Variants in GPM6A observed in about 807,000 individuals in gnomAD.
GPM6A encodes the protein glycoprotein M6A.
A neutral mutation model predicts 32.1 loss-of-function variants in GPM6A; 7 were observed. That is an observed-to-expected ratio of 0.22 (90% CI 0.12 to 0.41). The LOEUF is 0.41. Among genes scored for constraint, GPM6A ranks in the 10% least tolerant of loss-of-function variants. The pLI is 1.00. For missense variants in GPM6A, 235 were observed against 347.2 expected, an observed-to-expected ratio of 0.68 and a Z score of 2.57; for synonymous variants, 130 against 123.4, an observed-to-expected ratio of 1.05 and a Z score of -0.35.
chr4:175,867,421 C>T (rs140476300), intron 1 of GPM6A, among the ~76,000 whole-genome samples: 36 of 151,936 alleles, frequency 2.4e-4, no homozygotes, highest in Middle Eastern at 3.4e-3. Context: ...AGTTTGAGTT[C>T]GTTTTTGTGA....
intron 1 of GPM6A, among the ~76,000 whole-genome samples, chr4:175,806,230 T>C (rs555067973): frequency 6.6e-6 from 1 of 152,348 alleles, no homozygotes; most frequent in African/African-American, 2.4e-5. Context: ...TCATGAGCCA[T>C]TGTCTTCTGA....
intron 1 of GPM6A, among the ~76,000 whole-genome samples, chr4:175,951,505 T>G (rs1479557058): frequency 6.6e-6 from 1 of 152,160 alleles, no homozygotes; most frequent in East Asian, 1.9e-4. Flanking sequence ...GACGGCGAAA[T>G]AATCTCTTGA....
upstream of GPM6A, chr4:175,812,801 C>G: frequency 1.0e-6 from 1 of 985,388 alleles, no homozygotes; most frequent in Non-Finnish European, 1.2e-6. Context: ...AGTGGCTTCT[C>G]ACCCAGTCAG....
At chr4:175,711,457 T>TAC (rs763949633) in intron 1 of GPM6A, among the ~76,000 whole-genome samples, 609 of 27,868 alleles carry the variant, frequency 0.022, 6 homozygotes, top group South Asian at 0.1. Context: ...TATATATATA[T>TAC]ACACACACAT....
chr4:175,680,821 A>T (rs1369777258), intron 2 of GPM6A, among the ~76,000 whole-genome samples: 1 of 152,126 alleles, frequency 6.6e-6, no homozygotes, highest in Non-Finnish European at 1.5e-5. Flanking sequence ...TTCTTTTTAC[A>T]TGAAATGTGC....
At chr4:175,692,442 T>C (rs1379410536) in intron 2 of GPM6A, among the ~76,000 whole-genome samples, 7 of 152,170 alleles carry the variant, frequency 4.6e-5, no homozygotes, top group African/African-American at 1.7e-4. Flanking sequence ...ATTACTTTTC[T>C]GAGTTTACTA....
chr4:175,842,467 T>A (rs1681454698), intron 1 of GPM6A, among the ~76,000 whole-genome samples: 1 of 152,146 alleles, frequency 6.6e-6, no homozygotes, highest in Non-Finnish European at 1.5e-5. Flanking sequence ...CCATGTTGGT[T>A]CACACTTGTG....
chr4:175,784,167 C>A (rs1304243129), intron 1 of GPM6A, among the ~76,000 whole-genome samples: 1 of 151,988 alleles, frequency 6.6e-6, no homozygotes, highest in Non-Finnish European at 1.5e-5. Context: ...TCACTTTTGT[C>A]CTAGTCTTCC....
At position 175,949,852 on chromosome 4, in the gene GPM6A, C is replaced by T. The variant is rs772924352; in HGVS notation, c.-23+52457G>A. 3.9e-5 allele frequency among the ~76,000 whole-genome samples: 6 copies of T among 152,112 alleles called. No individual in the cohort carries two copies. In the South Asian group the frequency reaches 8.3e-4, roughly 21 times the overall value. On this transcript the variant is annotated intron_variant, in intron 1 of 7. Coordinates refer to the GPM6A transcript ENST00000280187. ...TTGTTTAAAAATTGTCTGATATCTGCGCTAAGTTGTTTGGATGACAATTCA... is the reference window on the plus strand; with the variant it reads ...TTGTTTAAAAATTGTCTGATATCTGTGCTAAGTTGTTTGGATGACAATTCA...
chr4:175,801,985 T>C (rs975700351), intron 1 of GPM6A, among the ~76,000 whole-genome samples: 1 of 152,074 alleles, frequency 6.6e-6, no homozygotes, highest in African/African-American at 2.4e-5. Flanking sequence ...TTGGTAAGCA[T>C]ACTACACTCC....
upstream of GPM6A, among the ~76,000 whole-genome samples, chr4:175,817,247 C>T (rs1192172685): frequency 1.3e-5 from 2 of 152,236 alleles, no homozygotes; most frequent in Non-Finnish European, 2.9e-5. Flanking sequence ...TTCAGAGTTA[C>T]ATAATCATAG....
chr4:175,929,351 G>C (rs904448703), intron 1 of GPM6A, among the ~76,000 whole-genome samples: 1 of 152,114 alleles, frequency 6.6e-6, no homozygotes, highest in Non-Finnish European at 1.5e-5. Flanking sequence ...CATGCTCAAC[G>C]CCAGGAGTAC....
At chr4:175,938,439 G>A (rs935399979) in intron 1 of GPM6A, among the ~76,000 whole-genome samples, 3 of 152,072 alleles carry the variant, frequency 2.0e-5, no homozygotes, top group Non-Finnish European at 4.4e-5. Context: ...TTTAATGATC[G>A]CCATTCTAAC....
At chr4:175,894,925 T>C (rs1409030407) in intron 1 of GPM6A, among the ~76,000 whole-genome samples, 1 of 152,164 alleles carries the variant, frequency 6.6e-6, no homozygotes, top group Non-Finnish European at 1.5e-5. Context: ...TCTCTGTTTC[T>C]AAAAGTCAAA....
At chr4:175,970,432 A>G (rs569821425) in intron 1 of GPM6A, among the ~76,000 whole-genome samples, 4 of 152,368 alleles carry the variant, frequency 2.6e-5, no homozygotes, top group Middle Eastern at 6.8e-3. Context: ...CTGGTAAACA[A>G]TAACAATAGA....
At position 175,908,206 on chromosome 4, in the gene GPM6A, T is replaced by A. The variant is rs191202589; in HGVS notation, c.-23+94103A>T. On this transcript the variant is annotated intron_variant, in intron 1 of 7. Transcript: ENST00000280187. Reference sequence around the variant, plus strand: ...CTAGTGATAATTTTTTAAAATGCAATCTATTTTAAACAATCTAGAGATTCT... The same window carrying A: ...CTAGTGATAATTTTTTAAAATGCAAACTATTTTAAACAATCTAGAGATTCT... 1.7e-3 allele frequency among the ~76,000 whole-genome samples: 258 copies of A among 152,316 alleles called. 2 individuals are homozygous for A. The highest frequency in any genetic ancestry group is 5.1e-3 in the African/African-American group (210 of 41,582).
At chr4:175,859,511 G>A (rs1448238952) in intron 1 of GPM6A, among the ~76,000 whole-genome samples, 2 of 152,166 alleles carry the variant, frequency 1.3e-5, no homozygotes, top group Non-Finnish European at 2.9e-5. Flanking sequence ...TGAAATTCCT[G>A]TCCTAGAGAA....
intron 1 of GPM6A, among the ~76,000 whole-genome samples, chr4:175,901,835 C>T (rs986371264): frequency 6.6e-6 from 1 of 151,782 alleles, no homozygotes; most frequent in African/African-American, 2.4e-5. Context: ...ACCATGTTGG[C>T]CAGGCTAGTC....
chr4:175,812,353 C>T (rs1579530984), upstream of GPM6A: 7 of 727,328 alleles, frequency 9.6e-6, no homozygotes, highest in African/African-American at 7.1e-5. Context: ...TGGGAAGCTC[C>T]AACAGCAGTG....
Sources: gnomAD v4.1 joint callset for allele counts (sites outside exome capture counted in the v4.1 genomes callset) on GRCh38, gnomAD v4.1.1 for gene constraint, MANE v1.5 for transcripts, NCBI Gene and HGNC (gene_info 2026-07-23, HGNC 2026-07-21) for gene names.